NXPE1: variants seen among roughly 807,000 people sequenced by gnomAD.
The protein encoded by NXPE1 is neurexophilin and PC-esterase domain family member 1, also known as NXPE family member 1.
In NXPE1, 31 loss-of-function variants were observed where a neutral mutation model predicts 33.3. The observed-to-expected ratio is 0.93, with a 90% CI of 0.70 to 1.26. NXPE1 has a LOEUF of 1.26. Ranked by LOEUF, NXPE1 falls within the 50% of genes most tolerant of loss-of-function variation. The probability of loss-of-function intolerance (pLI) is 0.00; values close to 1 mark genes in which losing one functional copy is unlikely to be tolerated. For synonymous variants in NXPE1, 229 were observed against 231.4 expected, an observed-to-expected ratio of 0.99 and a Z score of 0.09; for missense variants, 661 against 655.6, an observed-to-expected ratio of 1.01 and a Z score of -0.09.
downstream of NXPE1, among the ~76,000 whole-genome samples, chr11:114,520,816 T>C (rs557310130): frequency 6.6e-6 from 1 of 152,324 alleles, no homozygotes; most frequent in South Asian, 2.1e-4. Flanking sequence ...AAATTGAGCA[T>C]CTTTCTTACA....
chr11:114,528,934 T>A (rs1947467678), intron 6 of NXPE1: 1 of 488,776 alleles, frequency 2.0e-6, no homozygotes, highest in Non-Finnish European at 3.8e-6. Flanking sequence ...CCATCAGAGA[T>A]AAAAGGGAGG....
At chr11:114,550,667 A>G (rs1948449291) in intron 5 of NXPE1, among the ~76,000 whole-genome samples, 1 of 152,160 alleles carries the variant, frequency 6.6e-6, no homozygotes, top group Non-Finnish European at 1.5e-5. Context: ...AGCGGGAAAA[A>G]CTTTCTAACT....
At chr11:114,541,110 G>A (rs477836) in intron 5 of NXPE1, among the ~76,000 whole-genome samples, 1 of 152,042 alleles carries the variant, frequency 6.6e-6, no homozygotes, top group African/African-American at 2.4e-5. Context: ...GGTTGGGTCA[G>A]TTTGCAGTTT....
chr11:114,520,408 C>T (rs1947186382), downstream of NXPE1, among the ~76,000 whole-genome samples: 1 of 152,164 alleles, frequency 6.6e-6, no homozygotes. Flanking sequence ...AGCGTAACGT[C>T]CTCCAGGTTC....
intron 5 of NXPE1, among the ~76,000 whole-genome samples, chr11:114,538,570 A>G (rs1472053602): frequency 6.6e-6 from 1 of 152,242 alleles, no homozygotes; most frequent in Admixed American, 6.5e-5. Context: ...AATGAACTCA[A>G]ACAAATTTAT....
At chr11:114,542,468 G>T (rs1209689067) in intron 5 of NXPE1, among the ~76,000 whole-genome samples, 5 of 152,106 alleles carry the variant, frequency 3.3e-5, no homozygotes, top group African/African-American at 1.2e-4. Flanking sequence ...TTTATTTACA[G>T]AAATAAGTCT....
chr11:114,535,719 CAAG>C (rs1044443560), intron 5 of NXPE1, among the ~76,000 whole-genome samples: 40 of 152,274 alleles, frequency 2.6e-4, no homozygotes, highest in African/African-American at 9.4e-4. Context: ...ATCAATTCAA[CAAG>C]AAGAACTAGC....
At chr11:114,532,555 C>T (rs1947622847) in intron 5 of NXPE1, among the ~76,000 whole-genome samples, 1 of 151,990 alleles carries the variant, frequency 6.6e-6, no homozygotes, top group South Asian at 2.1e-4. Context: ...TTGGTGAGTA[C>T]AGACATCCCT....
intron 7 of NXPE1, 109 bp from the exon 8 acceptor site, chr11:114,523,200 A>G (rs1469672572): frequency 2.7e-6 from 2 of 746,876 alleles, no homozygotes; most frequent in Non-Finnish European, 4.5e-6. Flanking sequence ...TGTAATGCCT[A>G]TTTCCTTTTT....
chr11:114,551,015 C>A (rs1425495726), intron 5 of NXPE1, 88 bp downstream of exon 5: 12 of 682,480 alleles, frequency 1.8e-5, no homozygotes, highest in South Asian at 1.7e-5. Context: ...GGAGGAGGGG[C>A]AGGACTAATG....
chr11:114,553,803 G>A, intron 1 of NXPE1: 1 of 974,886 alleles, frequency 1.0e-6, no homozygotes, highest in Non-Finnish European at 1.2e-6. Context: ...GCTTATGAAA[G>A]CCTATTCATG....
At chr11:114,545,496 A>G (rs1450541336) in intron 5 of NXPE1, among the ~76,000 whole-genome samples, 1 of 152,216 alleles carries the variant, frequency 6.6e-6, no homozygotes, top group African/African-American at 2.4e-5. Context: ...CTGCATTACT[A>G]TGACATTCTG....
intron 5 of NXPE1, among the ~76,000 whole-genome samples, chr11:114,550,498 G>T (rs1948441133): frequency 6.6e-6 from 1 of 152,086 alleles, no homozygotes; most frequent in Non-Finnish European, 1.5e-5. Context: ...TAAATAAGAA[G>T]ATTAGGATAA....
downstream of NXPE1, among the ~76,000 whole-genome samples, chr11:114,521,377 A>G (rs1299007711): frequency 6.6e-6 from 1 of 152,168 alleles, no homozygotes; most frequent in Non-Finnish European, 1.5e-5. Context: ...TAATCTATCT[A>G]TGGCCAATGA....
At chr11:114,524,590 C>T (rs1947312177) in intron 7 of NXPE1, among the ~76,000 whole-genome samples, 1 of 152,100 alleles carries the variant, frequency 6.6e-6, no homozygotes, top group South Asian at 2.1e-4. Context: ...TTCTATGAGG[C>T]TTGATAGCAT....
Position 114,540,925 on chromosome 11 carries a change from T to C in NXPE1, c.100-10017A>G, listed in dbSNP as rs767623982. Reference sequence around the variant, plus strand: ...GAGAGCAGAGTCTGCAGCAACACAGTCACTGGATGGAGGGGGAAATCCCAG... The same window carrying C: ...GAGAGCAGAGTCTGCAGCAACACAGCCACTGGATGGAGGGGGAAATCCCAG... On this transcript the variant is annotated intron_variant, in intron 5 of 8. Coordinates refer to ENST00000534921, the Ensembl canonical transcript of NXPE1. Among the ~76,000 whole-genome samples the C allele has an allele frequency of 3.4e-4, 43 of 125,076 alleles. 1 individual carries two copies. The highest frequency in any genetic ancestry group is 1.1e-4 in the Non-Finnish European group (7 of 62,862). The allele number at this position is 125,076 out of a possible 152,430, so 82.1% of individuals were successfully genotyped here.
Position 114,522,954 on chromosome 11 carries a change from TCAAA to T in NXPE1, c.1029_1032del (p.Cys343Ter). Reference sequence around the variant, plus strand: ...CCCAGGAGGTAAATGAGTTTGCCTTTCAAACAGCCATTTATCTTAATTGTGTCTA... The same window carrying T: ...CCCAGGAGGTAAATGAGTTTGCCTTTCAGCCATTTATCTTAATTGTGTCTA... On this transcript the variant is annotated frameshift_variant, in exon 8 of 9. Transcript: ENST00000534921. LOFTEE classifies it high-confidence loss of function. 1 of 1,613,654 alleles carries T rather than the reference TCAAA, an allele frequency of 6.2e-7. No individual in the cohort carries two copies. The highest frequency in any genetic ancestry group is 1.3e-5 in the African/African-American group (1 of 75,036).
intron 1 of NXPE1, among the ~76,000 whole-genome samples, chr11:114,556,366 T>C (rs1345728405): frequency 1.3e-5 from 2 of 152,156 alleles, no homozygotes; most frequent in African/African-American, 4.8e-5. Context: ...TGCTACACTT[T>C]GTGGAGTCTC....
chr11:114,533,503 A>T (rs989224215), intron 5 of NXPE1, among the ~76,000 whole-genome samples: 1 of 152,224 alleles, frequency 6.6e-6, no homozygotes, highest in African/African-American at 2.4e-5. Context: ...CTCACCCGGG[A>T]AGCACAAGCG....
Sources: allele counts gnomAD v4.1 joint callset (sites outside exome capture counted in the v4.1 genomes callset), GRCh38; gene constraint gnomAD v4.1.1; transcripts MANE v1.5; gene names NCBI Gene and HGNC (gene_info 2026-07-23, HGNC 2026-07-21).